MANBA: variants seen among roughly 807,000 people sequenced by gnomAD.
MANBA encodes mannosidase beta.
A neutral mutation model predicts 111.1 loss-of-function variants in MANBA; 83 were observed. That is an observed-to-expected ratio of 0.75 (90% CI 0.63 to 0.90). The LOEUF is 0.90. MANBA is among the 40% of genes least tolerant of loss of function. MANBA has a pLI of 0.00. For missense variants in MANBA, 1,036 were observed against 1,069.0 expected, an observed-to-expected ratio of 0.97 and a Z score of 0.43; for synonymous variants, 370 against 378.7, an observed-to-expected ratio of 0.98 and a Z score of 0.27.
At chr4:102,634,228 T>C (rs1220703421) in intron 16 of MANBA, among the ~76,000 whole-genome samples, 2 of 152,220 alleles carry the variant, frequency 1.3e-5, no homozygotes, top group Admixed American at 1.3e-4. Context: ...TTTTATATCT[T>C]GGCAATTATA....
At chr4:102,715,537 G>T (rs1473924812) in intron 4 of MANBA, among the ~76,000 whole-genome samples, 1 of 152,106 alleles carries the variant, frequency 6.6e-6, no homozygotes, top group Non-Finnish European at 1.5e-5. Flanking sequence ...GTGCAGGTTT[G>T]TTATATAGGT....
chr4:102,729,989 A>G, intron 1 of MANBA: 1 of 890,554 alleles, frequency 1.1e-6, no homozygotes, highest in Non-Finnish European at 1.9e-6. Flanking sequence ...TGGTGATGCC[A>G]CCCACGCTGC....
chr4:102,716,846 C>T lies in MANBA; in HGVS notation c.550-2285G>A, dbSNP rs77729941. On this transcript the variant is annotated intron_variant, in intron 4 of 16. Transcript: ENST00000647097. ...CCTGAAGATTTGGCCAAACTGTTGT[C>T]ATTTGGGTATTATTTCCTTAGCTCT... 2.4e-4 allele frequency among the ~76,000 whole-genome samples: 36 copies of T among 152,210 alleles called. No homozygotes were observed. The East Asian group carries it at 3.7e-3, about 15-fold the overall frequency.
intron 12 of MANBA, among the ~76,000 whole-genome samples, chr4:102,652,980 A>G (rs1730403253): frequency 6.6e-6 from 1 of 152,212 alleles, no homozygotes; most frequent in South Asian, 2.1e-4. Context: ...GAAAGGTTAG[A>G]TAACTTCTTC....
intron 11 of MANBA, among the ~76,000 whole-genome samples, chr4:102,660,157 T>A (rs186682304): frequency 6.6e-6 from 1 of 152,316 alleles, no homozygotes; most frequent in East Asian, 1.9e-4. Context: ...TCCAAACTTA[T>A]CTGACTATGC....
chr4:102,760,598 A>G, intron 1 of MANBA, 120 bp downstream of exon 1: 1 of 1,087,324 alleles, frequency 9.2e-7, no homozygotes, highest in South Asian at 1.7e-5. Context: ...GCAAAGGGGA[A>G]GTTACTACCA....
At chr4:102,730,364 G>A (rs1560803122) in intron 1 of MANBA, 2 of 501,610 alleles carry the variant, frequency 4.0e-6, no homozygotes, top group South Asian at 2.2e-5. Flanking sequence ...AGGGCTGTAA[G>A]CAGGGTTTGC....
Position 102,650,503 on chromosome 4 carries a change from G to C in MANBA, c.1869+34C>G, listed in dbSNP as rs752310654. On this transcript the variant is annotated intron_variant, in intron 13 of 16. Coordinates refer to ENST00000647097, the MANE Select transcript of MANBA (RefSeq NM_005908.4). ...ACATAATCTCTTACATTAATTGCAG[G>C]AACCTGTTCAATTCTAGAATGAAAA... 4 of 1,571,958 alleles carry C rather than the reference G, an allele frequency of 2.5e-6. No individual in the cohort carries two copies. The South Asian group carries it at 4.4e-5, about 17-fold the overall frequency.
chr4:102,724,863 G>A (rs1382452670), intron 2 of MANBA, among the ~76,000 whole-genome samples: 1 of 152,154 alleles, frequency 6.6e-6, no homozygotes, highest in Non-Finnish European at 1.5e-5. Context: ...AAAATGTGTT[G>A]TATTCATACA....
chr4:102,678,974 T>C (rs1251882475), intron 7 of MANBA, among the ~76,000 whole-genome samples: 2 of 152,238 alleles, frequency 1.3e-5, no homozygotes, highest in Non-Finnish European at 2.9e-5. Flanking sequence ...ATTTTCTTCT[T>C]AAAAAGAAAT....
chr4:102,717,637 A>G (rs1578933294), intron 4 of MANBA, among the ~76,000 whole-genome samples: 1 of 151,946 alleles, frequency 6.6e-6, no homozygotes, highest in South Asian at 2.1e-4. Flanking sequence ...CAAGTGATCC[A>G]CCTGCCTTGG....
At chr4:102,728,837 C>T (rs192702112) in intron 1 of MANBA, 35 of 903,168 alleles carry the variant, frequency 3.9e-5, no homozygotes, top group Admixed American at 9.1e-5. Context: ...GGTGCTGGTG[C>T]GGCTGAAGGA....
At chr4:102,724,328 C>T (rs1487739368) in intron 2 of MANBA, among the ~76,000 whole-genome samples, 2 of 152,130 alleles carry the variant, frequency 1.3e-5, no homozygotes, top group African/African-American at 2.4e-5. Context: ...GAAGCCTAGG[C>T]AGGCAGATCA....
In MANBA at chr4:102,636,303, G is replaced by T. The variant is rs145203188; in HGVS notation, c.2015-296C>A. Among the ~76,000 whole-genome samples the T allele has an allele frequency of 4.5e-3, 680 of 152,230 alleles. 8 individuals are homozygous for T. The highest frequency in any genetic ancestry group is 0.016 in the African/African-American group (659 of 41,542). ...AGAGTGTACTTAAACAAACCAAGAT[G>T]GTATAGCCTACTACACACCTAGACT... On this transcript the variant is annotated intron_variant, in intron 14 of 16. Transcript: ENST00000647097.
At position 102,714,532 on chromosome 4, in the gene MANBA, C is replaced by T. The variant is rs1322466211; in HGVS notation, c.579G>A (p.Gly193=). ...KEQCSFSWDW[G]PSFPTQGIWK... The stretch of plus-strand genomic sequence containing the variant: ...AGATTCCCTGGGTAGGAAAGGAAGG[C>T]CCCCAGTCCCAACTAAAGGAACATT... The change falls in exon 5 of 17, where the codon GGG becomes GGA. Residue 193 remains glycine, a synonymous_variant. Transcript: ENST00000647097. The T allele has an allele frequency of 1.9e-6, 3 of 1,607,900 alleles. No individual in the cohort carries two copies. In the Admixed American group the frequency reaches 5.0e-5, roughly 27 times the overall value.
chr4:102,675,937 C>T (rs1314590741), intron 7 of MANBA, among the ~76,000 whole-genome samples: 2 of 151,944 alleles, frequency 1.3e-5, no homozygotes, highest in East Asian at 3.9e-4. Context: ...TGCCATTGCA[C>T]TCCAGCCTGG....
chr4:102,658,391 A>G (rs1321764365), intron 11 of MANBA, among the ~76,000 whole-genome samples: 1 of 152,176 alleles, frequency 6.6e-6, no homozygotes, highest in East Asian at 1.9e-4. Context: ...CATGGGGGCA[A>G]AATCACCATC....
chr4:102,664,935 C>A, intron 10 of MANBA, 83 bp from the exon 11 acceptor site: 1 of 1,087,724 alleles, frequency 9.2e-7, no homozygotes, highest in Non-Finnish European at 1.4e-6. Context: ...AAATTAAAGC[C>A]CTTGCATTTC....
chr4:102,697,376 T>G (rs1732767881), intron 5 of MANBA, among the ~76,000 whole-genome samples: 1 of 152,140 alleles, frequency 6.6e-6, no homozygotes, highest in African/African-American at 2.4e-5. Flanking sequence ...ATTATTATAC[T>G]TTAAGTTTTA....
Sources: gnomAD v4.1 joint callset for allele counts (sites outside exome capture counted in the v4.1 genomes callset) on GRCh38, gnomAD v4.1.1 for gene constraint, MANE v1.5 for transcripts, NCBI Gene and HGNC (gene_info 2026-07-23, HGNC 2026-07-21) for gene names.